The following MYCBP2 variants were observed in gnomAD, a reference collection of about 807,000 sequenced individuals.
MYCBP2 encodes E3 ubiquitin-protein ligase MYCBP2.
MYCBP2 carries 120 observed loss-of-function variants against 525.3 expected under a neutral mutation model. The observed-to-expected ratio is 0.23, with a 90% CI of 0.20 to 0.27. The LOEUF (loss-of-function observed/expected upper bound fraction) is 0.27. Ranked by LOEUF, MYCBP2 falls within the 10% of genes least tolerant of loss-of-function variation. The probability of loss-of-function intolerance (pLI) is 1.00; values close to 1 mark genes in which losing one functional copy is unlikely to be tolerated. For missense variants in MYCBP2, 4,149 were observed against 5,657.1 expected (o/e 0.73, Z 8.55); for synonymous variants, 1,894 against 1,955.8 (o/e 0.97, Z 0.83).
chr13:77,087,405 T>C (rs527690271), intron 62 of MYCBP2, 79 bp downstream of exon 62: 1 of 1,201,632 alleles, frequency 8.3e-7, no homozygotes, highest in Non-Finnish European at 1.2e-6. Flanking sequence ...AATGATTTCA[T>C]GCAAATTATT....
intron 17 of MYCBP2, 99 bp from the exon 18 acceptor site, chr13:77,233,362 T>G: frequency 1.0e-6 from 1 of 983,782 alleles, no homozygotes; most frequent in East Asian, 2.6e-5. Context: ...AAAAATTTAT[T>G]CTTAACGGTT....
chr13:77,077,589 G>A, intron 66 of MYCBP2: 1 of 584,576 alleles, frequency 1.7e-6, no homozygotes, highest in Non-Finnish European at 2.9e-6. Flanking sequence ...CACAGATGAA[G>A]AAACTAAGGT....
At position 77,166,573 on chromosome 13, in the gene MYCBP2, G is replaced by A; in HGVS notation, c.6115-19C>T. On this transcript the variant is annotated intron_variant, in intron 40 of 82. Coordinates refer to ENST00000544440, the MANE Select transcript of MYCBP2 (RefSeq NM_015057.5). The stretch of plus-strand genomic sequence containing the variant: ...ATGTCACCTGAGGTCAACAGGCAAA[G>A]TGACATGAATACAGATATATATATA... 6.4e-7 allele frequency: 1 copy of A among 1,566,558 alleles called. No homozygotes were observed. Among genetic ancestry groups the A allele is most frequent in the Non-Finnish European group, 8.8e-7 (1 of 1,139,546 alleles).
chr13:77,239,289 T>C (rs2068453713), intron 17 of MYCBP2, among the ~76,000 whole-genome samples: 1 of 152,198 alleles, frequency 6.6e-6, no homozygotes, highest in Non-Finnish European at 1.5e-5. Context: ...GTATAATTAT[T>C]AACATACTAC....
At chr13:77,171,236 C>G (rs987404507) in intron 38 of MYCBP2, among the ~76,000 whole-genome samples, 5 of 152,166 alleles carry the variant, frequency 3.3e-5, no homozygotes, top group Non-Finnish European at 5.9e-5. Context: ...CCCAGTTTAA[C>G]TCAAATACAA....
rs936796581 is a variant in MYCBP2 at position 77,169,264 on chromosome 13, C to T, written c.5895+350G>A. 1.4e-4 allele frequency among the ~76,000 whole-genome samples: 21 copies of T among 151,990 alleles called. No homozygotes were observed. In the South Asian group the frequency reaches 2.5e-3, roughly 18 times the overall value. ...ACAAAAAATTAGCCGGGCGCAGTGG[C>T]GGGCGCCTGTAGTCCCAGCAACTCG... On this transcript the variant is annotated intron_variant, in intron 39 of 82. Transcript: ENST00000544440.
intron 78 of MYCBP2, among the ~76,000 whole-genome samples, chr13:77,057,927 T>G (rs2038474897): frequency 6.7e-6 from 1 of 149,148 alleles, no homozygotes; most frequent in Non-Finnish European, 1.5e-5. Flanking sequence ...AAGCTCCGTC[T>G]CCTGGCTTCA....
chr13:77,131,884 A>G (rs1023469750), intron 52 of MYCBP2, among the ~76,000 whole-genome samples: 4 of 152,146 alleles, frequency 2.6e-5, no homozygotes, highest in Admixed American at 6.6e-5. Context: ...AAAAGAGACC[A>G]ACAAGTGAAT....
At chr13:77,245,905 C>T (rs900026047) in intron 15 of MYCBP2, among the ~76,000 whole-genome samples, 1 of 151,632 alleles carries the variant, frequency 6.6e-6, no homozygotes, top group Non-Finnish European at 1.5e-5. Context: ...TGTCTCCTTC[C>T]CCCTCTCTTC....
intron 18 of MYCBP2, among the ~76,000 whole-genome samples, chr13:77,227,481 T>TACACACACACAC (rs71704593): frequency 3.8e-4 from 55 of 145,282 alleles, no homozygotes; most frequent in Middle Eastern, 3.5e-3. Flanking sequence ...CACACACACA[T>TACACACACACAC]ACACACACAC....
At position 77,326,345 on chromosome 13, in the gene MYCBP2, G is replaced by A; in HGVS notation, c.302+129C>T. The A allele has an allele frequency of 2.2e-6, 2 of 912,738 alleles. No individual in the cohort carries two copies. The highest frequency in any genetic ancestry group is 3.4e-5 in the Admixed American group (1 of 29,388). 56.5% of individuals were successfully genotyped at this position (912,738 alleles called of 1,614,324 possible). On this transcript the variant is annotated intron_variant, in intron 1 of 82. Transcript: ENST00000544440. This position sits in a 1 kb window ranked among gnomAD's most constrained non-coding sequence, Gnocchi z 4.2. ...AAGTGCTCCTGCCAACAGACATCCA[G>A]AGCGGACTGAAAGCTCAATAAATGC...
At chr13:77,182,133 T>C (rs2060270929) in intron 32 of MYCBP2, among the ~76,000 whole-genome samples, 1 of 152,188 alleles carries the variant, frequency 6.6e-6, no homozygotes, top group Admixed American at 6.5e-5. Flanking sequence ...AAAAATTAAG[T>C]CTGGTCAAGA....
chr13:77,263,080 A>T lies in MYCBP2; in HGVS notation c.1570+571T>A, dbSNP rs2073564036. Among the ~76,000 whole-genome samples the T allele has an allele frequency of 2.6e-5, 4 of 152,110 alleles. No individual in the cohort carries two copies. The South Asian group carries it at 8.3e-4, about 31-fold the overall frequency. On this transcript the variant is annotated intron_variant, in intron 10 of 82. Transcript: ENST00000544440. ...TCATGATCCTAATTACTTTTACAACATTACAAAAGTAAATAATCTAAGCCC... is the reference window on the plus strand; with the variant it reads ...TCATGATCCTAATTACTTTTACAACTTTACAAAAGTAAATAATCTAAGCCC...
In MYCBP2 at chr13:77,172,503, C is replaced by T. The variant is rs141649596; in HGVS notation, c.5652-869G>A. Among the ~76,000 whole-genome samples the T allele has an allele frequency of 1.1e-4, 17 of 152,228 alleles. No individual in the cohort carries two copies. The East Asian group carries it at 3.3e-3, about 29-fold the overall frequency. ...ATCACTCTGGCTGTGCTGTAGAGAA[C>T]TGATTGTAGGAGACCAATAGTGAAA... On this transcript the variant is annotated intron_variant, in intron 37 of 82. Coordinates refer to ENST00000544440, the MANE Select transcript of MYCBP2 (RefSeq NM_015057.5).
At chr13:77,070,845 G>A (rs1333916635) in intron 68 of MYCBP2, 134 bp from the exon 69 acceptor site, 2 of 537,048 alleles carry the variant, frequency 3.7e-6, no homozygotes, top group Middle Eastern at 5.0e-4. Flanking sequence ...ATTTTAAATT[G>A]AGGCTTATAA....
At chr13:77,199,454 G>A (rs201501710) in intron 26 of MYCBP2, among the ~76,000 whole-genome samples, 2 of 152,166 alleles carry the variant, frequency 1.3e-5, no homozygotes, top group Non-Finnish European at 2.9e-5. Context: ...AGGCGGCAGC[G>A]AGGCTGGGGG....
chr13:77,317,815 T>C (rs149032492), intron 1 of MYCBP2, among the ~76,000 whole-genome samples: 25 of 152,240 alleles, frequency 1.6e-4, no homozygotes, highest in African/African-American at 6.0e-4. Flanking sequence ...TGTGCACCTG[T>C]AGTCCCAGCA....
In MYCBP2 at chr13:77,191,862, C is replaced by T. The variant is rs1268014950; in HGVS notation, c.3936-49G>A. ...AAACAATATTTTCTTACTTCTCTGT[C>T]ACATATATTTATTTTTTCAAAATCC... On this transcript the variant is annotated intron_variant, in intron 27 of 82. Coordinates refer to ENST00000544440, the MANE Select transcript of MYCBP2 (RefSeq NM_015057.5). 2.5e-6 allele frequency: 4 copies of T among 1,569,630 alleles called. No individual in the cohort carries two copies. The East Asian group carries it at 9.2e-5, about 36-fold the overall frequency.
At chr13:77,294,141 T>TATATATACATATATATATAC (rs1460788828) in intron 2 of MYCBP2, among the ~76,000 whole-genome samples, 1 of 130,898 alleles carries the variant, frequency 7.6e-6, no homozygotes, top group Non-Finnish European at 1.6e-5. Flanking sequence ...CATATATATA[T>TATATATACATATATATATAC]ACATATATAT....
Sources: gnomAD v4.1 joint callset for allele counts (sites outside exome capture counted in the v4.1 genomes callset) on GRCh38, gnomAD v4.1.1 for gene constraint, Gnocchi (gnomAD v3.1) non-coding constraint, MANE v1.5 for transcripts, NCBI Gene and HGNC (gene_info 2026-07-23, HGNC 2026-07-21) for gene names.